The following ZFHX3 variants were observed in gnomAD, a reference collection of about 807,000 sequenced individuals.
ZFHX3 encodes zinc finger homeobox protein 3.
Under a neutral mutation model 279.1 loss-of-function variants are expected in ZFHX3, and 42 were observed. That is an observed-to-expected ratio of 0.15 (90% CI 0.12 to 0.19). ZFHX3 has a LOEUF of 0.19. Ranked by LOEUF, ZFHX3 falls within the 10% of genes least tolerant of loss-of-function variation. The pLI is 1.00. For synonymous variants in ZFHX3, 2,293 were observed against 1,957.8 expected (o/e 1.17, Z -4.52); for missense variants, 4,981 against 4,754.0 (o/e 1.05, Z -1.40).
intron 5 of ZFHX3, among the ~76,000 whole-genome samples, chr16:73,173,942 A>G (rs567771807): frequency 1.0e-3 from 153 of 152,296 alleles, no homozygotes; most frequent in Non-Finnish European, 1.4e-3. Context: ...ATGTAAAATA[A>G]TTAAAACATT....
intron 2 of ZFHX3, among the ~76,000 whole-genome samples, chr16:73,664,530 T>C (rs1352207268): frequency 6.6e-6 from 1 of 152,174 alleles, no homozygotes; most frequent in Non-Finnish European, 1.5e-5. Context: ...AAAAAATCAA[T>C]CCATATCCAC....
intron 2 of ZFHX3, among the ~76,000 whole-genome samples, chr16:73,546,783 A>C: frequency 6.7e-6 from 1 of 150,198 alleles, no homozygotes; most frequent in East Asian, 2.0e-4. Flanking sequence ...TCAGGCAGAC[A>C]TTTGGGAAAT....
intron 7 of ZFHX3, among the ~76,000 whole-genome samples, chr16:72,811,021 C>T (rs1352553853): frequency 6.6e-6 from 1 of 152,116 alleles, no homozygotes; most frequent in East Asian, 1.9e-4. Flanking sequence ...GCTAGGACAA[C>T]AGGTGCATGC....
At chr16:73,876,650 C>T (rs912447594) in intron 1 of ZFHX3, among the ~76,000 whole-genome samples, 12 of 152,170 alleles carry the variant, frequency 7.9e-5, no homozygotes, top group African/African-American at 2.9e-4. Context: ...TAATCAACTC[C>T]CCAGTTGGAT....
intron 3 of ZFHX3, among the ~76,000 whole-genome samples, chr16:73,340,217 G>C (rs986177803): frequency 2.6e-5 from 4 of 152,198 alleles, no homozygotes; most frequent in Admixed American, 2.6e-4. Context: ...GCTCATAAGA[G>C]TTAAAGCAGC....
At chr16:73,281,540 A>G (rs1308439513) in intron 4 of ZFHX3, among the ~76,000 whole-genome samples, 1 of 152,232 alleles carries the variant, frequency 6.6e-6, no homozygotes, top group Non-Finnish European at 1.5e-5. Flanking sequence ...GTAGCTAACA[A>G]TACTGTGCCT....
chr16:72,914,937 G>A (rs971299066), intron 3 of ZFHX3, among the ~76,000 whole-genome samples: 3 of 152,186 alleles, frequency 2.0e-5, no homozygotes, highest in Non-Finnish European at 4.4e-5. Context: ...GTTGCAGTGA[G>A]CTGAGATCAC....
Position 72,794,830 on chromosome 16 carries a change from G to A in ZFHX3, c.7852C>T (p.Leu2618=). 5 of 1,614,062 alleles carry A rather than the reference G, an allele frequency of 3.1e-6. No homozygotes were observed. The highest frequency in any genetic ancestry group is 1.7e-6 in the Non-Finnish European group (2 of 1,180,036). The stretch of plus-strand genomic sequence containing the variant: ...GGGCTTGCACTGGCCTTTTCCTCCA[G>A]CTTCCTCTTGAGAGTGTTCATTGTG... ...TSTMNTLKRK[L]EEKASASPGE... The change falls in exon 9 of 10, where the codon CTG becomes TTG. Residue 2618 remains leucine (L), a synonymous_variant. Transcript: ENST00000268489. The surrounding 1 kb of genome is among the most constrained non-coding windows in gnomAD (Gnocchi z 4.2).
intron 1 of ZFHX3, among the ~76,000 whole-genome samples, chr16:73,859,848 G>GC (rs1961834323): frequency 6.6e-6 from 1 of 152,142 alleles, no homozygotes; most frequent in Non-Finnish European, 1.5e-5. Flanking sequence ...TTACAACCTA[G>GC]CACGGTACTG....
intron 4 of ZFHX3, among the ~76,000 whole-genome samples, chr16:73,291,575 G>A: frequency 6.6e-6 from 1 of 152,212 alleles, no homozygotes; most frequent in East Asian, 1.9e-4. Flanking sequence ...CCCCTGATTA[G>A]AAAGCCTGAA....
intron 1 of ZFHX3, among the ~76,000 whole-genome samples, chr16:72,961,682 C>T (rs1204378683): frequency 6.6e-6 from 1 of 152,048 alleles, no homozygotes; most frequent in African/African-American, 2.4e-5. Context: ...CAACAGCTCC[C>T]CCTCGGGAAA....
intron 2 of ZFHX3, among the ~76,000 whole-genome samples, chr16:72,954,696 G>A (rs1961161798): frequency 6.6e-6 from 1 of 152,200 alleles, no homozygotes; most frequent in Non-Finnish European, 1.5e-5. Flanking sequence ...TCGAAAGGAA[G>A]GTTTGGGAGG....
chr16:73,168,731 C>A (rs1005242011), intron 5 of ZFHX3, among the ~76,000 whole-genome samples: 4 of 152,206 alleles, frequency 2.6e-5, no homozygotes, highest in Non-Finnish European at 5.9e-5. Context: ...ACAAATGTAT[C>A]ATCTCCATCC....
At position 73,452,367 on chromosome 16, in the gene ZFHX3, G is replaced by C. The variant is rs573103246; in HGVS notation, c.-1291+3636C>G. Reference sequence around the variant, plus strand: ...CTTTAAAAACACATCTTTCATCAACGTCTGTATATAAAAATCACCTTTTTA... The same window carrying C: ...CTTTAAAAACACATCTTTCATCAACCTCTGTATATAAAAATCACCTTTTTA... On this transcript the variant is annotated intron_variant, in intron 3 of 17. Coordinates refer to the ZFHX3 transcript ENST00000641206. 3.9e-5 allele frequency among the ~76,000 whole-genome samples: 6 copies of C among 152,102 alleles called. No individual in the cohort carries two copies. The East Asian group carries it at 7.7e-4, about 20-fold the overall frequency.
intron 7 of ZFHX3, among the ~76,000 whole-genome samples, chr16:73,122,207 A>T (rs1184974723): frequency 6.6e-6 from 1 of 150,942 alleles, no homozygotes; most frequent in Admixed American, 6.6e-5. Context: ...TTCACATACA[A>T]CTGCTCTTTT....
chr16:72,876,422 A>T (rs2038314433), intron 4 of ZFHX3, among the ~76,000 whole-genome samples: 1 of 152,174 alleles, frequency 6.6e-6, no homozygotes, highest in Admixed American at 6.5e-5. Context: ...GATGCTGGCT[A>T]CGATTCAGCG....
intron 3 of ZFHX3, among the ~76,000 whole-genome samples, chr16:73,354,571 C>T (rs2016303406): frequency 6.6e-6 from 1 of 152,196 alleles, no homozygotes; most frequent in Admixed American, 6.5e-5. Flanking sequence ...GGCCTCTGGA[C>T]CACGTGCATT....
chr16:73,393,795 C>A (rs1028484853), intron 3 of ZFHX3, among the ~76,000 whole-genome samples: 1 of 151,820 alleles, frequency 6.6e-6, no homozygotes, highest in African/African-American at 2.4e-5. Context: ...CTAGAAAACA[C>A]TGAAGTGTTC....
chr16:73,516,214 C>T (rs2019518972), intron 2 of ZFHX3, among the ~76,000 whole-genome samples: 1 of 152,156 alleles, frequency 6.6e-6, no homozygotes, highest in Admixed American at 6.5e-5. Context: ...CACACTAAAT[C>T]GCCTCTTAGA....
Sources: allele counts gnomAD v4.1 joint callset (sites outside exome capture counted in the v4.1 genomes callset), GRCh38; gene constraint gnomAD v4.1.1; non-coding constraint Gnocchi (gnomAD v3.1); transcripts MANE v1.5; gene names NCBI Gene and HGNC (gene_info 2026-07-23, HGNC 2026-07-21).